The following DOCK4 variants were observed in gnomAD, a reference collection of about 807,000 sequenced individuals.
DOCK4 encodes dedicator of cytokinesis 4, also known as dedicator of cytokinesis protein 4.
Under a neutral mutation model 268.1 loss-of-function variants are expected in DOCK4, and 97 were observed. The observed-to-expected ratio is 0.36, with a 90% CI of 0.31 to 0.43. DOCK4 has a LOEUF of 0.43. Among genes scored for constraint, DOCK4 ranks in the 20% least tolerant of loss-of-function variants. DOCK4 has a pLI of 1.00. For synonymous variants in DOCK4, 954 were observed against 887.2 expected (o/e 1.08, Z -1.34); for missense variants, 2,145 against 2,455.7 (o/e 0.87, Z 2.67).
chr7:112,184,520 T>C (rs1431659328), intron 1 of DOCK4, among the ~76,000 whole-genome samples: 1 of 152,180 alleles, frequency 6.6e-6, no homozygotes, highest in Non-Finnish European at 1.5e-5. Context: ...GTCATTCATT[T>C]TTCTTTTTTT....
chr7:111,873,513 C>A (rs1281663724), intron 17 of DOCK4, among the ~76,000 whole-genome samples: 1 of 152,098 alleles, frequency 6.6e-6, no homozygotes, highest in Non-Finnish European at 1.5e-5. Flanking sequence ...GAGAGAGGAG[C>A]CAGGACAGAA....
At chr7:111,970,747 C>T (rs1029264641) in intron 8 of DOCK4, among the ~76,000 whole-genome samples, 12 of 152,192 alleles carry the variant, frequency 7.9e-5, no homozygotes, top group Middle Eastern at 3.4e-3. Flanking sequence ...CTTCAGGAGA[C>T]GCTGGGCTGG....
intron 16 of DOCK4, among the ~76,000 whole-genome samples, chr7:111,883,911 T>C (rs139817011): frequency 6.7e-6 from 1 of 148,502 alleles, no homozygotes; most frequent in Admixed American, 6.7e-5. Flanking sequence ...AAAAGTTATT[T>C]CAAGAGCTTT....
In DOCK4 at chr7:112,043,057, C is replaced by T. The variant is rs1042785831; in HGVS notation, c.38-38926G>A. 3.3e-5 allele frequency among the ~76,000 whole-genome samples: 5 copies of T among 152,212 alleles called. No homozygotes were observed. The East Asian group carries it at 9.7e-4, about 29-fold the overall frequency. Reference sequence around the variant, plus strand: ...CACTCCATCTTGGACTTCCCAGCCTCCAGAATTGCAAGCTAAATAAACTTC... The same window carrying T: ...CACTCCATCTTGGACTTCCCAGCCTTCAGAATTGCAAGCTAAATAAACTTC... On this transcript the variant is annotated intron_variant, in intron 1 of 52. Transcript: ENST00000428084.
At chr7:111,837,759 C>A (rs1803340026) in intron 25 of DOCK4, among the ~76,000 whole-genome samples, 1 of 152,072 alleles carries the variant, frequency 6.6e-6, no homozygotes, top group African/African-American at 2.4e-5. Context: ...GAAGATATTA[C>A]ATGTTCATGG....
chr7:112,154,668 A>C (rs1329718380), intron 1 of DOCK4, among the ~76,000 whole-genome samples: 1 of 152,186 alleles, frequency 6.6e-6, no homozygotes. Context: ...CATGAGATAA[A>C]GACTCTCTCA....
chr7:111,963,400 G>A (rs1012051757), intron 8 of DOCK4, among the ~76,000 whole-genome samples: 49 of 127,296 alleles, frequency 3.8e-4, no homozygotes, highest in Non-Finnish European at 6.6e-4. Context: ...CCTGGGAAGC[G>A]CAAGGGGTCA....
At chr7:111,918,125 G>A (rs1395998860) in intron 12 of DOCK4, among the ~76,000 whole-genome samples, 1 of 152,184 alleles carries the variant, frequency 6.6e-6, no homozygotes, top group Non-Finnish European at 1.5e-5. Flanking sequence ...TAGGCTCAGA[G>A]AGAAACTGGA....
At chr7:112,133,592 G>A (rs1384772527) in intron 1 of DOCK4, among the ~76,000 whole-genome samples, 1 of 152,044 alleles carries the variant, frequency 6.6e-6, no homozygotes. Context: ...ATGGTGGCGT[G>A]CACCTGTAGT....
At chr7:112,012,862 C>T (rs913263486) in intron 1 of DOCK4, among the ~76,000 whole-genome samples, 2 of 151,228 alleles carry the variant, frequency 1.3e-5, no homozygotes, top group African/African-American at 4.9e-5. Context: ...TCTTTGAATA[C>T]TAAATACTCA....
At chr7:111,976,140 CAAAAAAAA>C (rs1166982968) in intron 8 of DOCK4, among the ~76,000 whole-genome samples, 27 of 28,924 alleles carry the variant, frequency 9.3e-4, no homozygotes, top group African/African-American at 2.5e-3. Context: ...GACTCCATCT[CAAAAAAAA>C]AAAAAAAAAA....
chr7:112,044,727 C>T (rs574627080), intron 1 of DOCK4, among the ~76,000 whole-genome samples: 10 of 152,140 alleles, frequency 6.6e-5, no homozygotes, highest in Admixed American at 5.9e-4. Flanking sequence ...TTGTTCAGGC[C>T]CCAAACCTTT....
chr7:111,946,467 C>T (rs1211224001), intron 8 of DOCK4, among the ~76,000 whole-genome samples: 2 of 152,182 alleles, frequency 1.3e-5, no homozygotes, highest in Non-Finnish European at 2.9e-5. Context: ...AGAAACCTCT[C>T]ACCTATATAA....
intron 30 of DOCK4, among the ~76,000 whole-genome samples, chr7:111,792,955 A>G (rs1164161490): frequency 6.6e-6 from 1 of 152,234 alleles, no homozygotes; most frequent in Non-Finnish European, 1.5e-5. Flanking sequence ...CACTGGCAAT[A>G]GATGAACACA....
At chr7:111,756,882 G>A (rs1290647685) in intron 41 of DOCK4, among the ~76,000 whole-genome samples, 1 of 152,086 alleles carries the variant, frequency 6.6e-6, no homozygotes, top group Non-Finnish European at 1.5e-5. Flanking sequence ...ATGAATAAGA[G>A]CTCAGAGTGA....
chr7:112,175,683 TTA>T (rs1818449331), intron 1 of DOCK4, among the ~76,000 whole-genome samples: 1 of 152,214 alleles, frequency 6.6e-6, no homozygotes, highest in Non-Finnish European at 1.5e-5. Flanking sequence ...TTATAAATGA[TTA>T]TAAGAATAAA....
At chr7:111,970,887 A>G (rs1348715255) in intron 8 of DOCK4, among the ~76,000 whole-genome samples, 1 of 152,184 alleles carries the variant, frequency 6.6e-6, no homozygotes, top group Admixed American at 6.5e-5. Context: ...CACACTTTGC[A>G]GGCTTAACAT....
intron 1 of DOCK4, among the ~76,000 whole-genome samples, chr7:112,201,905 A>C (rs1820972927): frequency 6.6e-6 from 1 of 152,094 alleles, no homozygotes; most frequent in Non-Finnish European, 1.5e-5. Context: ...TATGAAGTAA[A>C]CTTCTTTAGA....
chr7:111,728,177 A>G lies in DOCK4; in HGVS notation c.*97T>C. 4 of 885,108 alleles carry G rather than the reference A, an allele frequency of 4.5e-6. No individual in the cohort carries two copies. Among genetic ancestry groups the G allele is most frequent in the Non-Finnish European group, 6.2e-6 (4 of 649,332 alleles). The allele number at this position is 885,108 out of a possible 1,614,324, so 54.8% of individuals were successfully genotyped here. On this transcript the variant is annotated 3_prime_UTR_variant, in exon 53 of 53. Transcript: ENST00000428084. ...TTAATTCCATTCATCGAAGGAGCTGAGTAAGTTATTAAAGTGCCTACACTA... is the reference window on the plus strand; with the variant it reads ...TTAATTCCATTCATCGAAGGAGCTGGGTAAGTTATTAAAGTGCCTACACTA...
Sources: gnomAD v4.1 joint callset for allele counts (sites outside exome capture counted in the v4.1 genomes callset) on GRCh38, gnomAD v4.1.1 for gene constraint, MANE v1.5 for transcripts, NCBI Gene and HGNC (gene_info 2026-07-23, HGNC 2026-07-21) for gene names.